SH3D19: variants seen among roughly 807,000 people sequenced by gnomAD.
SH3D19 encodes the protein SH3 domain-containing protein 19.
Under a neutral mutation model 112.1 loss-of-function variants are expected in SH3D19, and 58 were observed. That is an observed-to-expected ratio of 0.52 (90% confidence interval 0.42 to 0.64). The LOEUF (loss-of-function observed/expected upper bound fraction) is 0.64, where lower values mean the gene tolerates loss of function less well. Among genes scored for constraint, SH3D19 ranks in the 30% least tolerant of loss-of-function variants. The pLI is 0.00. For missense variants in SH3D19, 1,090 were observed against 1,263.4 expected, an observed-to-expected ratio of 0.86 and a Z score of 2.08; for synonymous variants, 391 against 448.5, an observed-to-expected ratio of 0.87 and a Z score of 1.62.
intron 8 of SH3D19, among the ~76,000 whole-genome samples, chr4:151,159,608 C>A (rs1045813518): frequency 6.6e-6 from 1 of 152,120 alleles, no homozygotes; most frequent in South Asian, 2.1e-4. Flanking sequence ...TGTTGAGAAC[C>A]TTTTATGTGC....
At chr4:151,218,981 C>G (rs1015499085) in intron 2 of SH3D19, among the ~76,000 whole-genome samples, 2 of 152,198 alleles carry the variant, frequency 1.3e-5, no homozygotes, top group African/African-American at 4.8e-5. Context: ...TATACTGTAA[C>G]TATCCTTCTA....
At chr4:151,142,637 C>T (rs1444374395) in intron 12 of SH3D19, among the ~76,000 whole-genome samples, 1 of 152,164 alleles carries the variant, frequency 6.6e-6, no homozygotes, top group Non-Finnish European at 1.5e-5. Flanking sequence ...CAGGCAACAA[C>T]CTTCCACTTT....
At chr4:151,296,632 C>G (rs1306079977) in intron 1 of SH3D19, among the ~76,000 whole-genome samples, 1 of 152,196 alleles carries the variant, frequency 6.6e-6, no homozygotes, top group African/African-American at 2.4e-5. Context: ...CTCAATACAG[C>G]ATTTCTGCCT....
intron 1 of SH3D19, among the ~76,000 whole-genome samples, chr4:151,232,961 T>C (rs534944193): frequency 6.6e-6 from 1 of 152,290 alleles, no homozygotes; most frequent in Non-Finnish European, 1.5e-5. Context: ...TACCAGTCTA[T>C]GGCCTGTTAG....
In SH3D19 at chr4:151,147,927, A is replaced by G; in HGVS notation, c.2077T>C (p.Tyr693His). 6.2e-7 allele frequency: 1 copy of G among 1,603,044 alleles called. No homozygotes were observed. Among genetic ancestry groups the G allele is most frequent in the South Asian group, 1.1e-5 (1 of 89,186 alleles). ...TTTTTAAAAGCTAAATTTACCATGTATTTACTGTAGAGAGGGTGTCCTGGT... is the reference window on the plus strand; with the variant it reads ...TTTTTAAAAGCTAAATTTACCATGTGTTTACTGTAGAGAGGGTGTCCTGGT... The part of the protein sequence containing the change: ...PKPGHPLYSK[Y>H]MRGDVLVMLK... The change falls in exon 11 of 20, where the codon TAC becomes CAC. Residue 693 changes from tyrosine (Y) to histidine (H), a missense_variant. Coordinates refer to ENST00000604030, the MANE Select transcript of SH3D19 (RefSeq NM_001378122.1).
intron 16 of SH3D19, 101 bp from the exon 17 acceptor site, chr4:151,132,484 A>T (rs930854538): frequency 6.1e-6 from 6 of 989,548 alleles, no homozygotes; most frequent in Admixed American, 2.1e-5. Flanking sequence ...GGGAGTGAAG[A>T]CTCTGGGATT....
chr4:151,180,411 C>CTTTT (rs367719721), intron 3 of SH3D19, among the ~76,000 whole-genome samples: 3 of 130,762 alleles, frequency 2.3e-5, no homozygotes, highest in South Asian at 2.4e-4. Context: ...ATTTTTTTTT[C>CTTTT]TTTTTTTTTT....
At chr4:151,261,037 C>T (rs575108586) in intron 1 of SH3D19, 1 of 152,170 alleles carries the variant, frequency 6.6e-6, no homozygotes, top group African/African-American at 2.4e-5. Context: ...CTCCCTGCCC[C>T]AACACACACA....
intron 1 of SH3D19, among the ~76,000 whole-genome samples, chr4:151,315,380 A>G (rs1332616452): frequency 3.3e-5 from 5 of 152,116 alleles, no homozygotes; most frequent in African/African-American, 1.2e-4. Context: ...CTTCCCCTCC[A>G]TTTCCAAAAT....
chr4:151,293,287 G>A (rs950664892), intron 1 of SH3D19, among the ~76,000 whole-genome samples: 1 of 151,134 alleles, frequency 6.6e-6, no homozygotes, highest in Non-Finnish European at 1.5e-5. Context: ...TGGCTAACAC[G>A]GTGAAACCCC....
intron 3 of SH3D19, among the ~76,000 whole-genome samples, chr4:151,183,112 C>T (rs1389709923): frequency 6.6e-6 from 1 of 151,722 alleles, no homozygotes; most frequent in Non-Finnish European, 1.5e-5. Flanking sequence ...CTGCCTCATC[C>T]TTCCTAGTAG....
At chr4:151,255,686 T>C (rs1580338843) in intron 1 of SH3D19, among the ~76,000 whole-genome samples, 1 of 150,662 alleles carries the variant, frequency 6.6e-6, no homozygotes, top group Non-Finnish European at 1.5e-5. Context: ...GGCTGGGAGG[T>C]GGAGGTTGTA....
At chr4:151,154,546 C>T (rs939629826) in intron 9 of SH3D19, among the ~76,000 whole-genome samples, 2 of 151,200 alleles carry the variant, frequency 1.3e-5, no homozygotes, top group Non-Finnish European at 1.5e-5. Flanking sequence ...TCCCAAAGTG[C>T]TGGATTACAG....
chr4:151,151,383 T>C (rs954154446), intron 9 of SH3D19, among the ~76,000 whole-genome samples: 1 of 152,212 alleles, frequency 6.6e-6, no homozygotes, highest in African/African-American at 2.4e-5. Context: ...TGCTGACTCT[T>C]TAAATTACAT....
At chr4:151,288,552 G>C (rs1332377589) in intron 1 of SH3D19, among the ~76,000 whole-genome samples, 2 of 152,024 alleles carry the variant, frequency 1.3e-5, no homozygotes, top group Non-Finnish European at 2.9e-5. Context: ...TTCGAGACCA[G>C]CCTGACCAAC....
chr4:151,321,783 C>A (rs1730556092), intron 1 of SH3D19, among the ~76,000 whole-genome samples: 1 of 152,140 alleles, frequency 6.6e-6, no homozygotes, highest in Non-Finnish European at 1.5e-5. Context: ...AGGCCCTATC[C>A]CAGACCAAGT....
intron 2 of SH3D19, among the ~76,000 whole-genome samples, chr4:151,194,739 G>T (rs1386185806): frequency 1.0e-4 from 7 of 67,140 alleles, no homozygotes; most frequent in African/African-American, 1.9e-4. Flanking sequence ...ATTAGCTGAT[G>T]ATTTCTTCAT....
At position 151,186,956 on chromosome 4, in the gene SH3D19, G is replaced by A. The variant is rs11727076; in HGVS notation, c.193+467C>T. Among the ~76,000 whole-genome samples the A allele has an allele frequency of 5.6e-3, 843 of 151,674 alleles. 1 individual carries two copies. The highest frequency in any genetic ancestry group is 0.014 in the Middle Eastern group (4 of 294). On this transcript the variant is annotated intron_variant, in intron 3 of 19. Coordinates refer to ENST00000604030, the MANE Select transcript of SH3D19 (RefSeq NM_001378122.1). Reference sequence around the variant, plus strand: ...ACTACAGGTGCCTGCCACTACGCCCGGCTAATTTTTGGTATTTTTAGTAGA... The same window carrying A: ...ACTACAGGTGCCTGCCACTACGCCCAGCTAATTTTTGGTATTTTTAGTAGA...
At chr4:151,144,093 T>C (rs766052546) in intron 11 of SH3D19, 43 bp from the exon 12 acceptor site, 1 of 1,591,536 alleles carries the variant, frequency 6.3e-7, no homozygotes, top group Non-Finnish European at 8.5e-7. Flanking sequence ...TATTATTTAA[T>C]AAAACATTAT....
Sources: allele counts gnomAD v4.1 joint callset (sites outside exome capture counted in the v4.1 genomes callset), GRCh38; gene constraint gnomAD v4.1.1; transcripts MANE v1.5; gene names NCBI Gene and HGNC (gene_info 2026-07-23, HGNC 2026-07-21).